The following OR2I1 variants were observed in gnomAD, a reference collection of about 807,000 sequenced individuals.
The protein encoded by OR2I1 is putative olfactory receptor 2I1.
At chr6:29,556,497 C>T in the OR2I1 span, 2 of 597,376 alleles carry the variant, frequency 3.3e-6, no homozygotes, top group Non-Finnish European at 5.8e-6. Context: ...TTTCTTGGAA[C>T]TTCTTTTTTG....
chr6:29,556,438 ACTAT>A, the OR2I1 span: 5 of 928,294 alleles, frequency 5.4e-6, no homozygotes, highest in Non-Finnish European at 8.2e-6. Context: ...CCCCTCTTCC[ACTAT>A]CTATCTGGTC....
the OR2I1 span, chr6:29,553,874 G>C: frequency 2.5e-6 from 1 of 398,764 alleles, no homozygotes. Context: ...GCCTCCTACG[G>C]TGCCGTGGCC....
the OR2I1 span, chr6:29,553,491 G>GC: frequency 2.5e-6 from 1 of 398,616 alleles, no homozygotes; most frequent in Non-Finnish European, 4.4e-6. Flanking sequence ...CGCTCTGGCT[G>GC]CCGCGCAGCC....
chr6:29,550,522 T>C, the OR2I1 span: 1 of 152,262 alleles, frequency 6.6e-6, no homozygotes. Flanking sequence ...CCCAGGTCCT[T>C]GTCTGGTCTG....
the OR2I1 span, among the ~76,000 whole-genome samples, chr6:29,552,559 A>G: frequency 1.3e-5 from 1 of 76,208 alleles, no homozygotes; most frequent in Non-Finnish European, 2.5e-5. Flanking sequence ...CCAATAAAAT[A>G]TTTAAGAGTT....
the OR2I1 span, chr6:29,556,154 T>A: frequency 1.2e-6 from 2 of 1,613,086 alleles, no homozygotes; most frequent in South Asian, 2.2e-5. Flanking sequence ...CAGGGTAAGG[T>A]GGATGGTCTT....
At chr6:29,554,103 G>C in the OR2I1 span, 1 of 399,124 alleles carries the variant, frequency 2.5e-6, no homozygotes, top group South Asian at 1.3e-4. Context: ...TCAGGAATAA[G>C]AAAGTGAAGG....
At chr6:29,552,254 A>C in the OR2I1 span, among the ~76,000 whole-genome samples, 6 of 152,242 alleles carry the variant, frequency 3.9e-5, no homozygotes. Flanking sequence ...CATCTAGTTC[A>C]AACTCCTTGA....
At chr6:29,555,985 A>C in the OR2I1 span, 17 of 1,612,944 alleles carry the variant, frequency 1.1e-5, no homozygotes, top group African/African-American at 2.7e-5. Context: ...TGCAAGTCAC[A>C]ATCTGGGTCT....
At chr6:29,553,510 G>A in the OR2I1 span, 2 of 398,670 alleles carry the variant, frequency 5.0e-6, no homozygotes, top group Non-Finnish European at 8.8e-6. Context: ...CCACTGCACG[G>A]CCCAGCTGTG....
At chr6:29,556,267 G>T in the OR2I1 span, 1 of 1,613,108 alleles carries the variant, frequency 6.2e-7, no homozygotes, top group East Asian at 2.2e-5. Flanking sequence ...TCTTAGACCG[G>T]ACATGTTCTT....
the OR2I1 span, chr6:29,554,412 G>A: frequency 2.9e-6 from 1 of 349,456 alleles, no homozygotes; most frequent in Non-Finnish European, 5.1e-6. Flanking sequence ...CCACGCGCAG[G>A]GAAAATGATG....
chr6:29,551,264 C>T, the OR2I1 span, among the ~76,000 whole-genome samples: 1 of 152,198 alleles, frequency 6.6e-6, no homozygotes, highest in Non-Finnish European at 1.5e-5. Flanking sequence ...CTTTATTCAT[C>T]TCTGATATGA....
At chr6:29,553,974 C>A in the OR2I1 span, 1 of 398,758 alleles carries the variant, frequency 2.5e-6, no homozygotes, top group African/African-American at 2.1e-5. Context: ...GCCTGTTCTA[C>A]GGCTCGGCCA....
the OR2I1 span, chr6:29,554,171 T>C: frequency 5.0e-6 from 2 of 398,702 alleles, no homozygotes; most frequent in Non-Finnish European, 8.8e-6. Flanking sequence ...CAGTGAGTAG[T>C]TGGGGAGGGG....
chr6:29,551,927 A>G, the OR2I1 span, among the ~76,000 whole-genome samples: 1 of 152,306 alleles, frequency 6.6e-6, no homozygotes, highest in East Asian at 1.9e-4. Context: ...TTTGGTAGGG[A>G]GCAGTGTTTT....
the OR2I1 span, chr6:29,556,576 T>A: frequency 1.9e-6 from 1 of 520,174 alleles, no homozygotes; most frequent in Non-Finnish European, 3.4e-6. Context: ...TTTTTTTCGA[T>A]CTTGAGAATG....
At chr6:29,556,377 T>A in the OR2I1 span, 1 of 1,575,026 alleles carries the variant, frequency 6.3e-7, no homozygotes, top group Non-Finnish European at 8.7e-7. Flanking sequence ...ACAAGACAGT[T>A]ACCTAGGATG....
the OR2I1 span, chr6:29,556,490 C>T: frequency 1.7e-6 from 1 of 600,972 alleles, no homozygotes. Context: ...CCCTCTCTTT[C>T]TTGGAACTTC....
Sources: allele counts gnomAD v4.1 joint callset (sites outside exome capture counted in the v4.1 genomes callset), GRCh38; gene constraint gnomAD v4.1.1; transcripts MANE v1.5; gene names NCBI Gene and HGNC (gene_info 2026-07-23, HGNC 2026-07-21).